Variants in EPHB1 observed in about 807,000 individuals in gnomAD.
EPHB1 encodes the protein ephrin type-B receptor 1.
EPHB1 carries 30 observed loss-of-function variants against 94.4 expected under a neutral mutation model. The ratio of observed to expected loss-of-function variants is 0.32; its 90% CI spans 0.24 to 0.43. The LOEUF (loss-of-function observed/expected upper bound fraction) is 0.43. Among genes scored for constraint, EPHB1 ranks in the 20% least tolerant of loss-of-function variants. The pLI is 1.00. For synonymous variants in EPHB1, 522 were observed against 489.1 expected (o/e 1.07, Z -0.89); for missense variants, 1,055 against 1,308.3 (o/e 0.81, Z 2.99).
At chr3:135,038,465 G>C (rs1936720441) in intron 3 of EPHB1, among the ~76,000 whole-genome samples, 1 of 152,204 alleles carries the variant, frequency 6.6e-6, no homozygotes, top group Non-Finnish European at 1.5e-5. Context: ...CAGGGAGAGA[G>C]AGATAGGCCC....
At chr3:135,070,954 G>T (rs914026120) in intron 3 of EPHB1, among the ~76,000 whole-genome samples, 7 of 152,158 alleles carry the variant, frequency 4.6e-5, no homozygotes, top group African/African-American at 1.7e-4. Flanking sequence ...ATGGTCAAGT[G>T]TTCATTATAC....
In EPHB1 at chr3:135,127,336, C is replaced by G. The variant is rs890540917; in HGVS notation, c.962-5378C>G. ...AGAGTAGGGAGGGCCCCACCTCTGGCCTGATGCAGAGGAGCATGATCCCAG... is the reference window on the plus strand; with the variant it reads ...AGAGTAGGGAGGGCCCCACCTCTGGGCTGATGCAGAGGAGCATGATCCCAG... On this transcript the variant is annotated intron_variant, in intron 4 of 15. Transcript: ENST00000398015. 2.6e-5 allele frequency among the ~76,000 whole-genome samples: 4 copies of G among 152,274 alleles called. No individual in the cohort carries two copies. In the East Asian group the frequency reaches 5.8e-4, roughly 22 times the overall value.
rs61369813 is a variant in EPHB1, at chr3:134,959,966, C to CTTTTTTTTTTTTTT, written c.805+7943_805+7956dup. 1.3e-4 allele frequency among the ~76,000 whole-genome samples: 14 copies of CTTTTTTTTTTTTTT among 107,422 alleles called. 1 individual carries two copies. The highest frequency in any genetic ancestry group is 8.3e-4 in the East Asian group (2 of 2,424). 70.5% of individuals were successfully genotyped at this position (107,422 alleles called of 152,430 possible). On this transcript the variant is annotated intron_variant, in intron 3 of 15. Transcript: ENST00000398015. ...AGAATTTGAGCACAAACATCTGCACCTTTTTTTTTTTTTTTTTTTTTTTTT... is the reference window on the plus strand; with the variant it reads ...AGAATTTGAGCACAAACATCTGCACCTTTTTTTTTTTTTTTTTTTTTTTTTTTTTTTTTTTTTTT...
At chr3:135,000,032 G>A (rs1234659623) in intron 3 of EPHB1, among the ~76,000 whole-genome samples, 3 of 152,154 alleles carry the variant, frequency 2.0e-5, no homozygotes, top group African/African-American at 7.2e-5. Flanking sequence ...TCCCCAGGCT[G>A]GTACTCACCA....
chr3:134,892,271 A>T (rs925697755), intron 1 of EPHB1, among the ~76,000 whole-genome samples: 11 of 152,204 alleles, frequency 7.2e-5, no homozygotes, highest in Non-Finnish European at 1.2e-4. Flanking sequence ...ACAGCTACCC[A>T]CTAGTTGTCA....
At chr3:135,142,339 T>C (rs1360208453) in intron 5 of EPHB1, among the ~76,000 whole-genome samples, 1 of 152,204 alleles carries the variant, frequency 6.6e-6, no homozygotes, top group African/African-American at 2.4e-5. Flanking sequence ...TTTCCTCTTA[T>C]GTGGCTTTCT....
intron 11 of EPHB1, among the ~76,000 whole-genome samples, chr3:135,193,349 C>T (rs17710899): frequency 0.021 from 3,136 of 152,318 alleles, 61 homozygotes; most frequent in Non-Finnish European, 0.03. Flanking sequence ...CTGTGATTGG[C>T]GAAGATTCCC....
rs548831151 is a variant in EPHB1, at chr3:134,910,834, T to G, written c.59-14982T>G. ...GCTTCTCTCATGGGTCGGCCCTTGG[T>G]GGTCCATTGATTCCAGCACCACCCT... On this transcript the variant is annotated intron_variant, in intron 1 of 15. Coordinates refer to ENST00000398015, the MANE Select transcript of EPHB1 (RefSeq NM_004441.5). 2.0e-5 allele frequency among the ~76,000 whole-genome samples: 3 copies of G among 152,314 alleles called. No individual in the cohort carries two copies. In the South Asian group the frequency reaches 6.2e-4, roughly 32 times the overall value.
At chr3:135,180,062 G>T in intron 10 of EPHB1, 80 bp downstream of exon 10, 2 of 1,549,082 alleles carry the variant, frequency 1.3e-6, no homozygotes, top group South Asian at 1.2e-5. Flanking sequence ...GTCTCTTTCA[G>T]TATGAAAAGC....
At chr3:134,855,347 G>C (rs1338361576) in intron 1 of EPHB1, among the ~76,000 whole-genome samples, 2 of 152,206 alleles carry the variant, frequency 1.3e-5, no homozygotes, top group African/African-American at 2.4e-5. Context: ...GGACTGGGGT[G>C]ATGGAACTGC....
At chr3:134,922,663 A>G (rs1236529712) in intron 1 of EPHB1, among the ~76,000 whole-genome samples, 2 of 152,150 alleles carry the variant, frequency 1.3e-5, no homozygotes, top group Non-Finnish European at 1.5e-5. Flanking sequence ...CTGCTCCTCC[A>G]ACATGATCTT....
intron 3 of EPHB1, among the ~76,000 whole-genome samples, chr3:134,984,495 A>G (rs577152086): frequency 1.3e-5 from 2 of 152,336 alleles, no homozygotes; most frequent in South Asian, 4.1e-4. Flanking sequence ...CAGAATATTT[A>G]AAACTCTTCA....
Position 135,069,340 on chromosome 3 carries a change from G to A in EPHB1, c.806-37108G>A, listed in dbSNP as rs372391607. Among the ~76,000 whole-genome samples, 12 of 152,038 alleles carry A rather than the reference G, an allele frequency of 7.9e-5. 1 individual carries two copies. The East Asian group carries it at 1.7e-3, about 22-fold the overall frequency. On this transcript the variant is annotated intron_variant, in intron 3 of 15. Coordinates refer to ENST00000398015, the MANE Select transcript of EPHB1 (RefSeq NM_004441.5). ...CCAGTTTTGCAAGTTCTGAGCAGGG[G>A]ATTTCATAGTGCTCTCTGCTACTCT...
intron 10 of EPHB1, among the ~76,000 whole-genome samples, chr3:135,188,359 G>T (rs1007325764): frequency 6.6e-6 from 1 of 152,024 alleles, no homozygotes; most frequent in Admixed American, 6.6e-5. Context: ...GCCGGGCGTT[G>T]TGGTGGGCGC....
At chr3:135,176,853 G>A (rs879397665) in intron 9 of EPHB1, among the ~76,000 whole-genome samples, 1 of 152,158 alleles carries the variant, frequency 6.6e-6, no homozygotes, top group East Asian at 1.9e-4. Context: ...TTCCATGGAA[G>A]AGTTCCTGTA....
intron 12 of EPHB1, among the ~76,000 whole-genome samples, chr3:135,225,378 C>A (rs1298909433): frequency 6.6e-6 from 1 of 152,208 alleles, no homozygotes; most frequent in Admixed American, 6.5e-5. Flanking sequence ...TTAGGCCCTT[C>A]CCTGGGCTTC....
At chr3:135,156,744 G>A (rs539035707) in intron 6 of EPHB1, among the ~76,000 whole-genome samples, 10 of 152,222 alleles carry the variant, frequency 6.6e-5, no homozygotes, top group Non-Finnish European at 1.3e-4. Flanking sequence ...GAATTCATAA[G>A]CATCTGTTAT....
At chr3:135,011,109 CAGGGGCA>C (rs1203815780) in intron 3 of EPHB1, among the ~76,000 whole-genome samples, 1 of 152,144 alleles carries the variant, frequency 6.6e-6, no homozygotes, top group Non-Finnish European at 1.5e-5. Context: ...CATGGGGTTG[CAGGGGCA>C]ACCTGCCTGG....
At chr3:135,103,615 G>A (rs1939105421) in intron 3 of EPHB1, among the ~76,000 whole-genome samples, 1 of 152,184 alleles carries the variant, frequency 6.6e-6, no homozygotes. Flanking sequence ...CTTTTATGCA[G>A]ATGAGCAAAT....
Sources: gnomAD v4.1 joint callset for allele counts (sites outside exome capture counted in the v4.1 genomes callset) on GRCh38, gnomAD v4.1.1 for gene constraint, MANE v1.5 for transcripts, NCBI Gene and HGNC (gene_info 2026-07-23, HGNC 2026-07-21) for gene names.